IL16: variants seen among roughly 807,000 people sequenced by gnomAD.
The protein encoded by IL16 is interleukin 16.
A neutral mutation model predicts 110.1 loss-of-function variants in IL16; 67 were observed. The ratio of observed to expected loss-of-function variants is 0.61; its 90% CI spans 0.50 to 0.75. The LOEUF is 0.75. IL16 is among the 30% of genes least tolerant of loss of function. The pLI is 0.00. For missense variants in IL16, 1,545 were observed against 1,655.0 expected (o/e 0.93, Z 1.15); for synonymous variants, 689 against 662.9 (o/e 1.04, Z -0.61).
At chr15:81,294,149 C>A (rs919805979) in intron 12 of IL16, among the ~76,000 whole-genome samples, 2 of 152,006 alleles carry the variant, frequency 1.3e-5, no homozygotes, top group Non-Finnish European at 2.9e-5. Flanking sequence ...GCGGTGGAGA[C>A]GGGATGTTGA....
chr15:81,282,826 G>T, intron 9 of IL16, 70 bp downstream of exon 9: 1 of 1,161,148 alleles, frequency 8.6e-7, no homozygotes, highest in South Asian at 1.2e-5. Flanking sequence ...TTAGAATGTC[G>T]GGAGATTGAT....
At chr15:81,284,382 C>T (rs1899344739) in intron 9 of IL16, among the ~76,000 whole-genome samples, 2 of 152,132 alleles carry the variant, frequency 1.3e-5, no homozygotes, top group Admixed American at 6.5e-5. Flanking sequence ...AAGGGATTTG[C>T]TGTTATCTGC....
intron 2 of IL16, among the ~76,000 whole-genome samples, chr15:81,233,397 T>C (rs1347506707): frequency 6.6e-6 from 1 of 151,980 alleles, no homozygotes; most frequent in Non-Finnish European, 1.5e-5. Flanking sequence ...TTTTAGGCAT[T>C]GGTAAAAACC....
At chr15:81,272,922 GTGTTGTTGT>G (rs67106640) in intron 5 of IL16, among the ~76,000 whole-genome samples, 159 bp from the exon 6 acceptor site, 2 of 149,974 alleles carry the variant, frequency 1.3e-5, no homozygotes, top group Admixed American at 6.6e-5. Context: ...GTTGTTGTTG[GTGTTGTTGT>G]TGTTGTTGTT....
chr15:81,199,655 C>T (rs1334773570), intron 1 of IL16, among the ~76,000 whole-genome samples: 4 of 152,116 alleles, frequency 2.6e-5, no homozygotes, highest in Admixed American at 6.6e-5. Context: ...CAATAGGAGG[C>T]GGTCACCTAC....
rs1364316601 is a variant in IL16 at position 81,308,901 on chromosome 15, A to G, written c.*103A>G. 1 of 1,062,760 alleles carries G rather than the reference A, an allele frequency of 9.4e-7. No individual in the cohort carries two copies. The allele number at this position is 1,062,760 out of a possible 1,614,324, so 65.8% of individuals were successfully genotyped here. On this transcript the variant is annotated 3_prime_UTR_variant, in exon 19 of 19. Coordinates refer to ENST00000683961, the MANE Select transcript of IL16 (RefSeq NM_172217.5). ...GCTGCCGCCCCACCCAGATGGGGGA[A>G]AGCACAGGTGGGCTTCCCAGTGGCT... is the stretch of plus-strand genomic sequence containing the variant.
intron 2 of IL16, among the ~76,000 whole-genome samples, chr15:81,240,921 T>C (rs58854988): frequency 0.24 from 35,983 of 152,082 alleles, 4,937 homozygotes; most frequent in African/African-American, 0.37. Context: ...TGTTGTCTTC[T>C]AAACATCTTA....
chr15:81,197,834 C>A (rs575926259), intron 1 of IL16, among the ~76,000 whole-genome samples: 1 of 152,186 alleles, frequency 6.6e-6, no homozygotes, highest in Admixed American at 6.5e-5. Context: ...GAAGCATCTT[C>A]TCCTCCTGCC....
At chr15:81,275,277 G>A (rs1237474295) in intron 6 of IL16, among the ~76,000 whole-genome samples, 1 of 149,086 alleles carries the variant, frequency 6.7e-6, no homozygotes, top group Non-Finnish European at 1.5e-5. Context: ...CTCCGTTCAG[G>A]GAGTTAGAAG....
intron 2 of IL16, among the ~76,000 whole-genome samples, chr15:81,232,252 A>G (rs988101027): frequency 6.6e-6 from 1 of 151,364 alleles, no homozygotes; most frequent in African/African-American, 2.4e-5. Context: ...GTTGTTGTTT[A>G]TTTTTCAGCA....
chr15:81,190,230 C>T (rs959647220), intron 1 of IL16, among the ~76,000 whole-genome samples: 4 of 152,188 alleles, frequency 2.6e-5, no homozygotes, highest in African/African-American at 9.7e-5. Context: ...TAATACCTGG[C>T]CTTTTCTTGT....
chr15:81,227,598 A>G (rs1029537239), intron 2 of IL16, among the ~76,000 whole-genome samples: 1 of 152,166 alleles, frequency 6.6e-6, no homozygotes, highest in African/African-American at 2.4e-5. Context: ...CAGGGACCAG[A>G]ACAAGGGCTG....
chr15:81,182,865 G>T (rs868718732), exon 1 of IL16: 14 of 1,289,480 alleles, frequency 1.1e-5, no homozygotes, highest in Middle Eastern at 2.1e-4. Context: ...CAATGAGTTT[G>T]CAGAAGAGAG....
intron 1 of IL16, among the ~76,000 whole-genome samples, chr15:81,187,958 G>A (rs61345536): frequency 0.02 from 3,016 of 152,256 alleles, 71 homozygotes; most frequent in East Asian, 0.13. Flanking sequence ...TTCTGACAGT[G>A]AGGTTAGAAA....
intron 1 of IL16, among the ~76,000 whole-genome samples, chr15:81,210,957 C>T (rs1374966851): frequency 6.6e-6 from 1 of 152,134 alleles, no homozygotes; most frequent in Non-Finnish European, 1.5e-5. Flanking sequence ...TTTTCCCATT[C>T]AGTATGATGT....
intron 10 of IL16, 46 bp downstream of exon 10, chr15:81,285,876 A>T (rs1481238150): frequency 6.2e-7 from 1 of 1,601,136 alleles, no homozygotes; most frequent in East Asian, 2.2e-5. Context: ...TCACTCGTTC[A>T]GTACCAAAAT....
At chr15:81,255,448 G>GGAA (rs1181445437) in intron 2 of IL16, among the ~76,000 whole-genome samples, 2 of 152,236 alleles carry the variant, frequency 1.3e-5, no homozygotes, top group Non-Finnish European at 2.9e-5. Flanking sequence ...CATGGCAGTG[G>GGAA]GAAGGGAACA....
intron 6 of IL16, among the ~76,000 whole-genome samples, chr15:81,278,209 T>C (rs909595869): frequency 6.6e-6 from 1 of 152,116 alleles, no homozygotes; most frequent in Non-Finnish European, 1.5e-5. Flanking sequence ...GTCCTGGGGA[T>C]ATATCATCTA....
At chr15:81,207,919 T>C (rs1896096716) in intron 1 of IL16, among the ~76,000 whole-genome samples, 1 of 152,014 alleles carries the variant, frequency 6.6e-6, no homozygotes, top group Non-Finnish European at 1.5e-5. Context: ...GGTCGAATGA[T>C]AGCTCTACCT....
Sources: gnomAD v4.1 joint callset for allele counts (sites outside exome capture counted in the v4.1 genomes callset) on GRCh38, gnomAD v4.1.1 for gene constraint, MANE v1.5 for transcripts, NCBI Gene and HGNC (gene_info 2026-07-23, HGNC 2026-07-21) for gene names.